SMIM40: variants seen among roughly 807,000 people sequenced by gnomAD.
SMIM40 encodes small integral membrane protein 40.
At position 33,323,747 on chromosome 6, in the gene SMIM40, G is replaced by A. The variant is rs1026727342; in HGVS notation, c.*217C>T. On this transcript the variant is annotated 3_prime_UTR_variant, in exon 3 of 3. Coordinates refer to ENST00000494082, the MANE Select transcript of SMIM40 (RefSeq NM_001369203.1). ...TCTTCTCCAGAGGGGGTCCTCGAAGGGCCGTCTGTGCTGACCAGGTGGCCG... is the reference window on the plus strand; with the variant it reads ...TCTTCTCCAGAGGGGGTCCTCGAAGAGCCGTCTGTGCTGACCAGGTGGCCG... 6.6e-6 allele frequency: 1 copy of A among 152,330 alleles called. No homozygotes were observed. Among genetic ancestry groups the A allele is most frequent in the African/African-American group, 2.4e-5 (1 of 41,444 alleles). The allele number at this position is 152,330 out of a possible 1,614,324, so 9.4% of individuals were successfully genotyped here. A position where few individuals can be genotyped will look rare whatever the true frequency, so the allele number is the denominator to read the frequency against.
intron 1 of SMIM40, among the ~76,000 whole-genome samples, chr6:33,325,007 C>T (rs1395780245): frequency 3.3e-5 from 5 of 151,666 alleles, no homozygotes; most frequent in Admixed American, 1.3e-4. Flanking sequence ...TCAAGCCATC[C>T]TCCCACCTCA....
At chr6:33,328,171 T>C (rs539950573) in intron 1 of SMIM40, among the ~76,000 whole-genome samples, 1 of 151,694 alleles carries the variant, frequency 6.6e-6, no homozygotes, top group East Asian at 1.9e-4. Context: ...TTTTTATTTA[T>C]TTATTTTTAT....
intron 1 of SMIM40, among the ~76,000 whole-genome samples, chr6:33,327,696 C>T (rs759514276): frequency 6.6e-6 from 1 of 151,756 alleles, no homozygotes; most frequent in Non-Finnish European, 1.5e-5. Context: ...CTTGTCTCTA[C>T]TAAAAATACA....
At chr6:33,325,815 G>T (rs1439835906) in intron 1 of SMIM40, among the ~76,000 whole-genome samples, 7 of 146,130 alleles carry the variant, frequency 4.8e-5, no homozygotes, top group Non-Finnish European at 8.9e-5. Context: ...CCGAGATCGC[G>T]CCACTGCCCT....
intron 1 of SMIM40, among the ~76,000 whole-genome samples, chr6:33,327,947 G>T (rs1771309990): frequency 6.7e-6 from 1 of 149,626 alleles, no homozygotes; most frequent in African/African-American, 2.5e-5. Flanking sequence ...AAAATTAGGG[G>T]TGCTGGTGCA....
At chr6:33,325,157 G>A (rs3130102) in intron 1 of SMIM40, among the ~76,000 whole-genome samples, 85,598 of 146,506 alleles carry the variant, frequency 0.58, 25,955 homozygotes, top group African/African-American at 0.73. Context: ...ACCTGAGGTC[G>A]GAAGTTTGAG....
intron 1 of SMIM40, among the ~76,000 whole-genome samples, chr6:33,328,485 C>T (rs1269755825): frequency 2.0e-5 from 3 of 151,918 alleles, no homozygotes; most frequent in East Asian, 1.9e-4. Flanking sequence ...CCACTGTGCC[C>T]GGCCACAATT....
intron 1 of SMIM40, among the ~76,000 whole-genome samples, chr6:33,325,703 A>G (rs1771127527): frequency 6.8e-6 from 1 of 146,798 alleles, no homozygotes; most frequent in Non-Finnish European, 1.5e-5. Context: ...AAAAAAAAAA[A>G]AAAATTAGCT....
At chr6:33,327,653 A>G (rs2151010629) in intron 1 of SMIM40, among the ~76,000 whole-genome samples, 1 of 152,002 alleles carries the variant, frequency 6.6e-6, no homozygotes, top group Non-Finnish European at 1.5e-5. Flanking sequence ...TGAGGTCAGG[A>G]GTTCCAGACC....
At chr6:33,327,463 C>T (rs1288328201) in intron 1 of SMIM40, among the ~76,000 whole-genome samples, 2 of 149,490 alleles carry the variant, frequency 1.3e-5, no homozygotes, top group Non-Finnish European at 2.9e-5. Flanking sequence ...AGCTGTGGCT[C>T]ACCGCCTATA....
intron 1 of SMIM40, among the ~76,000 whole-genome samples, chr6:33,325,884 A>G (rs1052655521): frequency 1.3e-5 from 2 of 148,656 alleles, no homozygotes; most frequent in African/African-American, 2.6e-5. Flanking sequence ...GTGTACGATC[A>G]CATGTTTATA....
chr6:33,325,935 C>T (rs1271336313), intron 1 of SMIM40, among the ~76,000 whole-genome samples: 2 of 149,128 alleles, frequency 1.3e-5, no homozygotes, highest in African/African-American at 5.2e-5. Context: ...AGTAACTCCT[C>T]CAGAATAATT....
rs923913569 is a variant in SMIM40, at chr6:33,324,237, C to T, written c.*40-207G>A. Among the ~76,000 whole-genome samples the T allele has an allele frequency of 7.2e-5, 11 of 152,232 alleles. No individual in the cohort carries two copies. In the East Asian group the frequency reaches 1.9e-3, roughly 27 times the overall value. On this transcript the variant is annotated intron_variant, in intron 1 of 2. Coordinates refer to ENST00000494082, the MANE Select transcript of SMIM40 (RefSeq NM_001369203.1). ...AGTCTACAGCTTTCAAAATGGGGAA[C>T]ATAAAAACTCTCCGCGAGGACTGGG... is the stretch of plus-strand genomic sequence containing the variant.
intron 1 of SMIM40, among the ~76,000 whole-genome samples, chr6:33,325,373 A>AAAG: frequency 6.7e-6 from 1 of 148,154 alleles, no homozygotes; most frequent in South Asian, 2.1e-4. Context: ...TCAAAAAAAA[A>AAAG]AAAAAAAAGG....
rs1294876229 is a variant in SMIM40 at position 33,326,888 on chromosome 6, G to C, written c.*39+2099C>G. 3.4e-5 allele frequency among the ~76,000 whole-genome samples: 5 copies of C among 148,642 alleles called. 1 individual carries two copies. Among genetic ancestry groups the C allele is most frequent in the African/African-American group, 1.3e-4 (5 of 38,374 alleles). ...TGTAATCCCAGCACTTTGGGAGGCC[G>C]AGGCAGGCAGATCACCTGAGGTCAG... On this transcript the variant is annotated intron_variant, in intron 1 of 2. Transcript: ENST00000494082.
rs999252675 is a variant in SMIM40, at chr6:33,325,751, C to G, written c.*40-1721G>C. Reference sequence around the variant, plus strand: ...GGGCGCCTTGTAGACCCAGCTACTCCGGAGGCTGAGGCAGGAGAATGGCGT... The same window carrying G: ...GGGCGCCTTGTAGACCCAGCTACTCGGGAGGCTGAGGCAGGAGAATGGCGT... On this transcript the variant is annotated intron_variant, in intron 1 of 2. Transcript: ENST00000494082. Among the ~76,000 whole-genome samples, 9 of 145,958 alleles carry G rather than the reference C, an allele frequency of 6.2e-5. No homozygotes were observed. The East Asian group carries it at 1.8e-3, about 29-fold the overall frequency.
At chr6:33,327,852 A>G (rs1333076726) in intron 1 of SMIM40, among the ~76,000 whole-genome samples, 2 of 111,438 alleles carry the variant, frequency 1.8e-5, no homozygotes, top group Non-Finnish European at 3.5e-5. Context: ...GCAACAGGAG[A>G]CTCTGTCACA....
chr6:33,326,202 C>A (rs1334336806), intron 1 of SMIM40, among the ~76,000 whole-genome samples: 2 of 147,190 alleles, frequency 1.4e-5, no homozygotes, highest in Admixed American at 6.7e-5. Flanking sequence ...GCTCTGTCGC[C>A]CAGGCTGGAG....
intron 1 of SMIM40, among the ~76,000 whole-genome samples, chr6:33,327,151 A>C (rs1182247733): frequency 7.1e-6 from 1 of 140,712 alleles, no homozygotes; most frequent in Non-Finnish European, 1.5e-5. Context: ...GGCCAGGTGC[A>C]GTGGCTCATG....
Sources: allele counts gnomAD v4.1 joint callset (sites outside exome capture counted in the v4.1 genomes callset), GRCh38; gene constraint gnomAD v4.1.1; transcripts MANE v1.5; gene names NCBI Gene and HGNC (gene_info 2026-07-23, HGNC 2026-07-21).